Variants in PCDHGB3 observed in about 807,000 individuals in gnomAD.
The protein encoded by PCDHGB3 is protocadherin gamma-B3.
In PCDHGB3, 40 loss-of-function variants were observed where a neutral mutation model predicts 59.2. That is an observed-to-expected ratio of 0.68 (90% CI 0.52 to 0.88). The LOEUF is 0.88. PCDHGB3 is among the 40% of genes least tolerant of loss of function. PCDHGB3 has a pLI of 0.00. For missense variants in PCDHGB3, 1,309 were observed against 1,187.9 expected (o/e 1.10, Z -1.50); for synonymous variants, 581 against 503.6 (o/e 1.15, Z -2.06).
chr5:141,389,704 TG>T (rs1341184136), intron 1 of PCDHGB3: 5 of 1,612,632 alleles, frequency 3.1e-6, no homozygotes, highest in Admixed American at 3.3e-5. Context: ...TACCACGTGC[TG>T]CAGGCTAGCG....
chr5:141,446,415 T>C (rs1275165245), intron 1 of PCDHGB3, among the ~76,000 whole-genome samples: 2 of 152,046 alleles, frequency 1.3e-5, no homozygotes, highest in African/African-American at 4.8e-5. Flanking sequence ...GTTCCAGCCA[T>C]GTTCATTTGA....
intron 1 of PCDHGB3, chr5:141,383,195 G>C: frequency 2.5e-6 from 4 of 1,614,044 alleles, no homozygotes; most frequent in Non-Finnish European, 3.4e-6. Flanking sequence ...TGCGCTCAGA[G>C]TGCGCGGTGT....
chr5:141,409,952 C>A (rs892751686), intron 1 of PCDHGB3: 2 of 1,613,350 alleles, frequency 1.2e-6, no homozygotes, highest in Non-Finnish European at 1.7e-6. Context: ...CTCTGCAGAG[C>A]CCGGCTACCT....
chr5:141,478,911 T>TA, intron 1 of PCDHGB3: 1 of 871,162 alleles, frequency 1.1e-6, no homozygotes, highest in Non-Finnish European at 1.7e-6. Flanking sequence ...AGCTGCTGGA[T>TA]ACCTCTAACC....
intron 1 of PCDHGB3, chr5:141,376,357 A>G: frequency 6.2e-7 from 1 of 1,614,012 alleles, no homozygotes; most frequent in Non-Finnish European, 8.5e-7. Context: ...ACGAGGTCTC[A>G]CTCACTGCAG....
At position 141,490,479 on chromosome 5, in the gene PCDHGB3, C is replaced by T; in HGVS notation, c.2416-4328C>T. 11 of 1,614,216 alleles carry T rather than the reference C, an allele frequency of 6.8e-6. No homozygotes were observed. Among genetic ancestry groups the T allele is most frequent in the Non-Finnish European group, 9.3e-6 (11 of 1,180,032 alleles). ...CGCTGCTAACCAGCCAGCCTTTGGACCGGGAGGCCACATCCCACTATATCA... is the reference window on the plus strand; with the variant it reads ...CGCTGCTAACCAGCCAGCCTTTGGATCGGGAGGCCACATCCCACTATATCA... On this transcript the variant is annotated intron_variant, in intron 1 of 3. Coordinates refer to ENST00000576222, the MANE Select transcript of PCDHGB3 (RefSeq NM_018924.5). This position sits in a 1 kb window ranked among gnomAD's most constrained non-coding sequence, Gnocchi z 5.4.
rs2099405848 is a variant in PCDHGB3 at position 141,477,120 on chromosome 5, A to G, written c.2416-17687A>G. 2 of 1,614,118 alleles carry G rather than the reference A, an allele frequency of 1.2e-6. No homozygotes were observed. Among genetic ancestry groups the G allele is most frequent in the African/African-American group, 2.7e-5 (2 of 74,942 alleles). On this transcript the variant is annotated intron_variant, in intron 1 of 3. Transcript: ENST00000576222. This position sits in a 1 kb window ranked among gnomAD's most constrained non-coding sequence, Gnocchi z 4.9. ...AAGGGCGCCAATCCCGAAGGAGCAC[A>G]TTGCAAAGTGTTGGTGGAGGTTGTG...
Position 141,486,178 on chromosome 5 carries a change from C to A in PCDHGB3, c.2416-8629C>A, listed in dbSNP as rs767840363. On this transcript the variant is annotated intron_variant, in intron 1 of 3. Transcript: ENST00000576222. This position sits in a 1 kb window ranked among gnomAD's most constrained non-coding sequence, Gnocchi z 5.0. ...CTCCAGCCATGGAGCAACATTGCAG[C>A]CTTCGAGTGGATCTGCTGGACGTAA... 1.2e-6 allele frequency: 2 copies of A among 1,614,194 alleles called. No homozygotes were observed. The highest frequency in any genetic ancestry group is 2.2e-5 in the East Asian group (1 of 44,882).
intron 2 of PCDHGB3, among the ~76,000 whole-genome samples, chr5:141,496,538 T>G (rs568286018): frequency 1.5e-4 from 23 of 152,266 alleles, no homozygotes; most frequent in African/African-American, 5.5e-4. Flanking sequence ...TGGCAGAGAT[T>G]CCAGCTTCTG....
intron 3 of PCDHGB3, among the ~76,000 whole-genome samples, chr5:141,506,138 G>T (rs983643755): frequency 6.6e-6 from 1 of 152,134 alleles, no homozygotes; most frequent in African/African-American, 2.4e-5. Flanking sequence ...AGGAGAAGAA[G>T]AATATCATTT....
At chr5:141,415,524 C>G in intron 1 of PCDHGB3, 1 of 1,614,154 alleles carries the variant, frequency 6.2e-7, no homozygotes, top group Non-Finnish European at 8.5e-7. Context: ...CGGACACGCT[C>G]ATCAGCCAGG....
Position 141,372,613 on chromosome 5 carries a change from TC to T in PCDHGB3, c.2223del (p.Thr742ProfsTer29). Reference protein sequence around the residue: ...GVCFKTVPGVLPTYSERTLPY... With the variant: ...GVCFKTVPGVXPTYSERTLPY... ...TGCTTCAAGACTGTACCTGGAGTTC[TC>T]CCCACCTACAGCGAAAGGACTTTGC... On this transcript the variant is annotated frameshift_variant, in exon 1 of 4. Transcript: ENST00000576222. LOFTEE classifies it high-confidence loss of function. 1 of 1,614,018 alleles carries T rather than the reference TC, an allele frequency of 6.2e-7. No individual in the cohort carries two copies. Among genetic ancestry groups the T allele is most frequent in the Non-Finnish European group, 8.5e-7 (1 of 1,179,876 alleles).
At chr5:141,396,974 T>C (rs947865597) in intron 1 of PCDHGB3, among the ~76,000 whole-genome samples, 3 of 152,218 alleles carry the variant, frequency 2.0e-5, no homozygotes, top group Admixed American at 6.5e-5. Flanking sequence ...CCTAAAAATG[T>C]TGGCTAGTTG....
intron 3 of PCDHGB3, among the ~76,000 whole-genome samples, chr5:141,509,381 C>T (rs181928019): frequency 6.6e-6 from 1 of 152,256 alleles, no homozygotes; most frequent in East Asian, 1.9e-4. Flanking sequence ...TGTCTCCTAA[C>T]CACAGAGGAT....
chr5:141,401,712 A>G (rs987480271), intron 1 of PCDHGB3, among the ~76,000 whole-genome samples: 1 of 152,226 alleles, frequency 6.6e-6, no homozygotes, highest in Non-Finnish European at 1.5e-5. Flanking sequence ...TCCATTTTTA[A>G]GACAAAAACT....
intron 1 of PCDHGB3, chr5:141,385,445 T>A (rs2150293072): frequency 1.4e-6 from 2 of 1,450,040 alleles, no homozygotes; most frequent in Non-Finnish European, 1.8e-6. Context: ...TAAAAATGAG[T>A]TTACCAGTTT....
In PCDHGB3 at chr5:141,489,684, T is replaced by A; in HGVS notation, c.2416-5123T>A. 1 of 1,614,180 alleles carries A rather than the reference T, an allele frequency of 6.2e-7. No homozygotes were observed. Among genetic ancestry groups the A allele is most frequent in the South Asian group, 1.1e-5 (1 of 91,078 alleles). ...TGCGCATCTCAGAATCAGCAGCATC[T>A]GGGGCACGATTCCCACTGGACAGTG... On this transcript the variant is annotated intron_variant, in intron 1 of 3. Transcript: ENST00000576222. This position sits in a 1 kb window ranked among gnomAD's most constrained non-coding sequence, Gnocchi z 4.5.
Position 141,485,072 on chromosome 5 carries a change from G to C in PCDHGB3, c.2416-9735G>C. 1.1e-6 allele frequency: 1 copy of C among 917,012 alleles called. No individual in the cohort carries two copies. The highest frequency in any genetic ancestry group is 1.7e-6 in the Non-Finnish European group (1 of 587,880). 56.8% of individuals were successfully genotyped at this position (917,012 alleles called of 1,614,324 possible). On this transcript the variant is annotated intron_variant, in intron 1 of 3. Coordinates refer to ENST00000576222, the MANE Select transcript of PCDHGB3 (RefSeq NM_018924.5). The surrounding 1 kb of genome is among the most constrained non-coding windows in gnomAD (Gnocchi z 5.7). ...CCGGCCGAACCGCGCCAGAGCTGGCGCGGGGAAAGGGAGATAGGTGTCTCC... is the reference window on the plus strand; with the variant it reads ...CCGGCCGAACCGCGCCAGAGCTGGCCCGGGGAAAGGGAGATAGGTGTCTCC...
rs1768752463 is a variant in PCDHGB3 at position 141,372,413 on chromosome 5, T to C, written c.2019T>C (p.Pro673=). The stretch of plus-strand genomic sequence containing the variant: ...CAGATAGCTTGCAAGAGATACAACC[T>C]GACCTTAGCGACCGCCCCACTCCCT... ...IFADSLQEIQ[P]DLSDRPTPSD... is the part of the protein sequence containing the mutation. The change falls in exon 1 of 4, where the codon CCT becomes CCC. Residue 673 remains proline, a synonymous_variant. Transcript: ENST00000576222. The C allele has an allele frequency of 6.2e-7, 1 of 1,614,052 alleles. No individual in the cohort carries two copies. Among genetic ancestry groups the C allele is most frequent in the Non-Finnish European group, 8.5e-7 (1 of 1,179,902 alleles).
Sources: gnomAD v4.1 joint callset for allele counts (sites outside exome capture counted in the v4.1 genomes callset) on GRCh38, gnomAD v4.1.1 for gene constraint, Gnocchi (gnomAD v3.1) non-coding constraint, MANE v1.5 for transcripts, NCBI Gene and HGNC (gene_info 2026-07-23, HGNC 2026-07-21) for gene names.